The following MGAT4C variants were observed in gnomAD, a reference collection of about 807,000 sequenced individuals.
MGAT4C encodes alpha-1,3-mannosyl-glycoprotein 4-beta-N-acetylglucosaminyltransferase C.
In MGAT4C, 19 loss-of-function variants were observed where a neutral mutation model predicts 40.1. The observed-to-expected ratio is 0.47, with a 90% confidence interval of 0.33 to 0.70. The LOEUF (loss-of-function observed/expected upper bound fraction) is 0.70. Ranked by LOEUF, MGAT4C falls within the 30% of genes least tolerant of loss-of-function variation. MGAT4C has a pLI of 0.02. For synonymous variants in MGAT4C, 181 were observed against 187.1 expected (o/e 0.97, Z 0.27); for missense variants, 491 against 563.2 (o/e 0.87, Z 1.30).
At chr12:86,091,198 A>T (rs1872817569) in intron 1 of MGAT4C, among the ~76,000 whole-genome samples, 1 of 152,034 alleles carries the variant, frequency 6.6e-6, no homozygotes, top group African/African-American at 2.4e-5. Flanking sequence ...TAAAAAATGA[A>T]TTTATTAGGA....
chr12:85,989,633 C>T (rs1312387819), intron 2 of MGAT4C, 81 bp from the exon 3 acceptor site: 10 of 1,285,850 alleles, frequency 7.8e-6, no homozygotes, highest in African/African-American at 1.5e-5. Flanking sequence ...AAGTCAGGTC[C>T]TTGTAAAATT....
intron 3 of MGAT4C, among the ~76,000 whole-genome samples, chr12:86,428,346 ATC>A (rs1956971652): frequency 6.6e-6 from 1 of 152,140 alleles, no homozygotes; most frequent in Non-Finnish European, 1.5e-5. Context: ...TTAACCATGT[ATC>A]TACAGAGAGC....
At chr12:86,738,947 C>G (rs977268984) in intron 1 of MGAT4C, among the ~76,000 whole-genome samples, 2 of 150,248 alleles carry the variant, frequency 1.3e-5, no homozygotes, top group African/African-American at 4.9e-5. Flanking sequence ...TATTAAATAC[C>G]TATTCATAGC....
intron 1 of MGAT4C, among the ~76,000 whole-genome samples, chr12:86,774,345 C>CTTTTTCTTTCTTTCTT (rs1951708548): frequency 6.7e-4 from 10 of 14,922 alleles, no homozygotes; most frequent in East Asian, 1.8e-3. Context: ...CTTTCTGTCT[C>CTTTTTCTTTCTTTCTT]TCTCTCTCCC....
At chr12:86,488,181 T>C (rs908058626) in intron 2 of MGAT4C, among the ~76,000 whole-genome samples, 16 of 150,424 alleles carry the variant, frequency 1.1e-4, no homozygotes, top group Admixed American at 4.7e-4. Flanking sequence ...ACCTACAACA[T>C]AGTGAATTCT....
intron 3 of MGAT4C, among the ~76,000 whole-genome samples, chr12:86,426,603 AAATGCATACTC>A (rs1399458188): frequency 3.6e-4 from 55 of 152,312 alleles, no homozygotes; most frequent in African/African-American, 1.2e-3. Context: ...CCTCTGCTCC[AAATGCATACTC>A]CATTCAGTGC....
At chr12:86,540,054 T>C (rs921137116) in intron 2 of MGAT4C, among the ~76,000 whole-genome samples, 1 of 152,348 alleles carries the variant, frequency 6.6e-6, no homozygotes, top group Non-Finnish European at 1.5e-5. Context: ...TGTTGGCTTT[T>C]GTTGCCATTG....
At chr12:86,683,646 T>C (rs572805125) in intron 2 of MGAT4C, among the ~76,000 whole-genome samples, 18 of 152,280 alleles carry the variant, frequency 1.2e-4, no homozygotes, top group African/African-American at 4.1e-4. Context: ...AAAACAGACA[T>C]AGAGTGAACC....
At chr12:86,374,513 T>C (rs559268234) in intron 3 of MGAT4C, among the ~76,000 whole-genome samples, 27 of 152,280 alleles carry the variant, frequency 1.8e-4, no homozygotes, top group Middle Eastern at 3.4e-3. Flanking sequence ...ATTTATTAAA[T>C]ACTTACTATG....
chr12:86,457,178 T>C (rs1411764857), intron 2 of MGAT4C, among the ~76,000 whole-genome samples: 2 of 152,154 alleles, frequency 1.3e-5, no homozygotes, highest in African/African-American at 4.8e-5. Flanking sequence ...GAATTTAATA[T>C]ATCATCCTTT....
At chr12:86,762,892 C>G (rs1285254998) in intron 1 of MGAT4C, among the ~76,000 whole-genome samples, 1 of 152,120 alleles carries the variant, frequency 6.6e-6, no homozygotes, top group Non-Finnish European at 1.5e-5. Flanking sequence ...AAAGCAAATA[C>G]AAGAAACTCT....
chr12:86,190,135 T>C (rs964589061), intron 1 of MGAT4C, among the ~76,000 whole-genome samples: 1 of 152,018 alleles, frequency 6.6e-6, no homozygotes, highest in African/African-American at 2.4e-5. Flanking sequence ...GGGGAATAAA[T>C]GCCAAAATAA....
intron 2 of MGAT4C, among the ~76,000 whole-genome samples, chr12:86,651,173 A>G (rs1277640930): frequency 9.2e-5 from 14 of 151,922 alleles, no homozygotes. Flanking sequence ...TCCACCTTTT[A>G]CAAAAGTTCT....
At chr12:86,666,162 A>G (rs985451435) in intron 2 of MGAT4C, among the ~76,000 whole-genome samples, 3 of 152,284 alleles carry the variant, frequency 2.0e-5, no homozygotes, top group African/African-American at 4.8e-5. Context: ...ACTGTCCTCT[A>G]TTTTTGCAGA....
At chr12:86,476,324 C>T (rs532916747) in intron 2 of MGAT4C, among the ~76,000 whole-genome samples, 1 of 152,130 alleles carries the variant, frequency 6.6e-6, no homozygotes, top group South Asian at 2.1e-4. Flanking sequence ...GGCCAAGAAA[C>T]ATATGAAACA....
At position 86,213,454 on chromosome 12, in the gene MGAT4C, G is replaced by A. The variant is rs73387504; in HGVS notation, c.-57+42785C>T. Among the ~76,000 whole-genome samples the A allele has an allele frequency of 3.5e-3, 525 of 152,024 alleles. 2 individuals carry two copies. Among genetic ancestry groups the A allele is most frequent in the African/African-American group, 0.012 (512 of 41,440 alleles). On this transcript the variant is annotated intron_variant, in intron 1 of 4. Coordinates refer to ENST00000611864, the MANE Select transcript of MGAT4C (RefSeq NM_001351288.2). ...GTCAAGGAAATAAATACCTCTTTAG[G>A]CATTGAATAAAATAGTTTTAAACCT...
At chr12:86,362,721 G>A (rs896364937) in intron 3 of MGAT4C, among the ~76,000 whole-genome samples, 12 of 151,658 alleles carry the variant, frequency 7.9e-5, no homozygotes, top group African/African-American at 2.9e-4. Context: ...AAAAAAATTA[G>A]CCGGGCATGG....
intron 2 of MGAT4C, chr12:86,001,533 T>C (rs1887295105): frequency 1.6e-6 from 1 of 625,154 alleles, no homozygotes; most frequent in Non-Finnish European, 2.0e-6. Flanking sequence ...GATTGATGGA[T>C]GAGCCATTGG....
intron 1 of MGAT4C, among the ~76,000 whole-genome samples, chr12:86,084,984 A>G (rs1358983240): frequency 6.6e-6 from 1 of 152,056 alleles, no homozygotes; most frequent in Non-Finnish European, 1.5e-5. Flanking sequence ...TGGGTCTGAT[A>G]GACGTTGGTT....
Sources: gnomAD v4.1 joint callset for allele counts (sites outside exome capture counted in the v4.1 genomes callset) on GRCh38, gnomAD v4.1.1 for gene constraint, MANE v1.5 for transcripts, NCBI Gene and HGNC (gene_info 2026-07-23, HGNC 2026-07-21) for gene names.